Variants in MED30 observed in about 807,000 individuals in gnomAD.
MED30 encodes mediator complex subunit 30, also known as mediator of RNA polymerase II transcription subunit 30.
Under a neutral mutation model 21.7 loss-of-function variants are expected in MED30, and 8 were observed. The ratio of observed to expected loss-of-function variants is 0.37; its 90% CI spans 0.22 to 0.67. MED30 has a LOEUF of 0.67. Ranked by LOEUF, MED30 falls within the 30% of genes least tolerant of loss-of-function variation. The pLI, the probability that MED30 is intolerant of heterozygous loss-of-function variation, is 0.58. For synonymous variants in MED30, 79 were observed against 86.7 expected (o/e 0.91, Z 0.49); for missense variants, 203 against 228.2 (o/e 0.89, Z 0.71).
Position 117,521,067 on chromosome 8 carries a change from C to A in MED30, c.177+14C>A. On this transcript the variant is annotated intron_variant, in intron 1 of 3. Coordinates refer to ENST00000297347, the MANE Select transcript of MED30 (RefSeq NM_080651.4). ...AGGAACATGCAGGTAGGAAGGCGGG[C>A]GCGCGAGGCCAGGGGGATGCAGCTG... The A allele has an allele frequency of 6.4e-7, 1 of 1,571,734 alleles. No individual in the cohort carries two copies. Among genetic ancestry groups the A allele is most frequent in the Non-Finnish European group, 8.7e-7 (1 of 1,154,150 alleles).
chr8:117,535,388 C>T lies in MED30; in HGVS notation c.442-4495C>T, dbSNP rs1366932850. ...GGGTTACAGGCGTGCACCACCATGC[C>T]CGGCTAATTTTTTTGTGTTTTTAGT... is the stretch of plus-strand genomic sequence containing the variant. On this transcript the variant is annotated intron_variant, in intron 3 of 3. Transcript: ENST00000297347. Among the ~76,000 whole-genome samples, 3 of 151,586 alleles carry T rather than the reference C, an allele frequency of 2.0e-5. No individual in the cohort carries two copies. The East Asian group carries it at 5.8e-4, about 29-fold the overall frequency.
At chr8:117,524,905 C>T (rs1426384654) in intron 1 of MED30, among the ~76,000 whole-genome samples, 1 of 152,126 alleles carries the variant, frequency 6.6e-6, no homozygotes, top group Non-Finnish European at 1.5e-5. Context: ...TATTCATACC[C>T]ATACAGAAAA....
intron 1 of MED30, among the ~76,000 whole-genome samples, chr8:117,523,107 A>T (rs902342229): frequency 2.6e-4 from 39 of 152,150 alleles, no homozygotes; most frequent in African/African-American, 9.2e-4. Context: ...GATATAATAC[A>T]GGTTCATGTT....
In MED30 at chr8:117,535,912, CT is replaced by C. The variant is rs547498863; in HGVS notation, c.442-3961del. Among the ~76,000 whole-genome samples the C allele has an allele frequency of 4.6e-3, 679 of 146,140 alleles. 3 individuals carry two copies. The highest frequency in any genetic ancestry group is 5.3e-3 in the Non-Finnish European group (349 of 65,978). ...TTTAATAATGGCCATTATTAAATGT[CT>C]TTTTTTTTTATACTGAGGAGTTATT... On this transcript the variant is annotated intron_variant, in intron 3 of 3. Coordinates refer to ENST00000297347, the MANE Select transcript of MED30 (RefSeq NM_080651.4).
chr8:117,530,487 C>T, intron 2 of MED30: 1 of 306,266 alleles, frequency 3.3e-6, no homozygotes, highest in Non-Finnish European at 5.9e-6. Context: ...TTTAGTTGTA[C>T]ATGACAACCA....
At chr8:117,521,596 C>T (rs747040821) in intron 1 of MED30, among the ~76,000 whole-genome samples, 5 of 152,180 alleles carry the variant, frequency 3.3e-5, no homozygotes, top group Non-Finnish European at 7.3e-5. Flanking sequence ...CCTCTGACAT[C>T]TTTGCTTCCC....
intron 3 of MED30, among the ~76,000 whole-genome samples, chr8:117,538,506 A>G (rs1405722159): frequency 1.3e-5 from 2 of 152,196 alleles, no homozygotes; most frequent in Non-Finnish European, 2.9e-5. Flanking sequence ...AATGAAATCA[A>G]AAGTAAGATT....
chr8:117,526,351 C>A (rs866396391), intron 1 of MED30, among the ~76,000 whole-genome samples: 1 of 152,128 alleles, frequency 6.6e-6, no homozygotes, highest in Non-Finnish European at 1.5e-5. Context: ...GAATTAGGGT[C>A]TTAGTAGACA....
intron 1 of MED30, chr8:117,523,129 TAA>T: frequency 3.4e-6 from 2 of 588,186 alleles, no homozygotes; most frequent in Non-Finnish European, 6.0e-6. Flanking sequence ...TACGCAGAAC[TAA>T]ACTTTTTCAA....
chr8:117,523,220 T>C, intron 1 of MED30: 2 of 828,506 alleles, frequency 2.4e-6, no homozygotes, highest in South Asian at 3.1e-5. Context: ...GTTTTTTTTT[T>C]TTGTCTGTAA....
chr8:117,530,102 T>G (rs1190750442), intron 2 of MED30, among the ~76,000 whole-genome samples: 1 of 152,026 alleles, frequency 6.6e-6, no homozygotes, highest in African/African-American at 2.4e-5. Flanking sequence ...TAACCATGCA[T>G]ACTTAATTAC....
At chr8:117,527,532 T>C (rs560786399) in intron 1 of MED30, among the ~76,000 whole-genome samples, 1 of 152,084 alleles carries the variant, frequency 6.6e-6, no homozygotes, top group African/African-American at 2.4e-5. Flanking sequence ...TTATCAACTA[T>C]GTATAGGGCT....
At chr8:117,538,644 ATTG>A (rs1818921533) in intron 3 of MED30, among the ~76,000 whole-genome samples, 1 of 152,164 alleles carries the variant, frequency 6.6e-6, no homozygotes, top group Non-Finnish European at 1.5e-5. Context: ...AATAATAATT[ATTG>A]TTATTATAAC....
chr8:117,529,218 A>G, intron 2 of MED30, among the ~76,000 whole-genome samples: 1 of 151,930 alleles, frequency 6.6e-6, no homozygotes, highest in South Asian at 2.1e-4. Flanking sequence ...TGGATTTTAT[A>G]TTTAGCCCAG....
chr8:117,529,205 A>G (rs1178428131), intron 2 of MED30, among the ~76,000 whole-genome samples: 1 of 151,724 alleles, frequency 6.6e-6, no homozygotes, highest in Non-Finnish European at 1.5e-5. Context: ...ATTATTATTA[A>G]TTTGGATTTT....
At chr8:117,539,827 A>G in intron 3 of MED30, 56 bp from the exon 4 acceptor site, 3 of 1,016,628 alleles carry the variant, frequency 3.0e-6, no homozygotes, top group East Asian at 2.5e-5. Flanking sequence ...TTAATCTTCT[A>G]ACTTCATGGT....
At chr8:117,533,463 A>G (rs1818819885) in intron 3 of MED30, among the ~76,000 whole-genome samples, 1 of 152,164 alleles carries the variant, frequency 6.6e-6, no homozygotes, top group African/African-American at 2.4e-5. Context: ...GTTTCCCTCA[A>G]ACCTTTCAGT....
In MED30 at chr8:117,528,823, A is replaced by T. The variant is rs1487951910; in HGVS notation, c.336+14A>T. 2 of 1,585,686 alleles carry T rather than the reference A, an allele frequency of 1.3e-6. No homozygotes were observed. The highest frequency in any genetic ancestry group is 3.6e-5 in the Admixed American group (2 of 54,888). On this transcript the variant is annotated intron_variant, in intron 2 of 3. Coordinates refer to ENST00000297347, the MANE Select transcript of MED30 (RefSeq NM_080651.4). ...ATTCCAGTCGAGGTAATTTTTTGTGATAGAGGGAGGATGAATATAAGGTGT... is the reference window on the plus strand; with the variant it reads ...ATTCCAGTCGAGGTAATTTTTTGTGTTAGAGGGAGGATGAATATAAGGTGT...
In MED30 at chr8:117,523,590, G is replaced by A. The variant is rs1818668496; in HGVS notation, c.177+2537G>A. The A allele has an allele frequency of 6.9e-6, 11 of 1,601,778 alleles. No homozygotes were observed. In the South Asian group the frequency reaches 7.7e-5, roughly 11 times the overall value. On this transcript the variant is annotated intron_variant, in intron 1 of 3. Coordinates refer to ENST00000297347, the MANE Select transcript of MED30 (RefSeq NM_080651.4). ...GTCTCCAGGCAAACTGTTCCTTCAC[G>A]TAGCCTCAGGACTTGAGAAACTGCA...
Sources: gnomAD v4.1 joint callset for allele counts (sites outside exome capture counted in the v4.1 genomes callset) on GRCh38, gnomAD v4.1.1 for gene constraint, MANE v1.5 for transcripts, NCBI Gene and HGNC (gene_info 2026-07-23, HGNC 2026-07-21) for gene names.